USP14: variants seen among roughly 807,000 people sequenced by gnomAD.
The protein encoded by USP14 is ubiquitin carboxyl-terminal hydrolase 14.
USP14 carries 38 observed loss-of-function variants against 76.5 expected under a neutral mutation model. The observed-to-expected ratio is 0.50, with a 90% confidence interval of 0.38 to 0.65. USP14 has a LOEUF of 0.65. Among genes scored for constraint, USP14 ranks in the 30% least tolerant of loss-of-function variants. The pLI is 0.00. For synonymous variants in USP14, 192 were observed against 191.7 expected, an observed-to-expected ratio of 1.00 and a Z score of -0.01; for missense variants, 467 against 586.5, an observed-to-expected ratio of 0.80 and a Z score of 2.10.
intron 1 of USP14, among the ~76,000 whole-genome samples, chr18:159,572 A>G (rs1909059196): frequency 1.3e-5 from 2 of 152,170 alleles, no homozygotes; most frequent in South Asian, 4.1e-4. Context: ...CCTTTATTGA[A>G]GATTCAGCAT....
At chr18:173,888 T>C (rs1909548232) in intron 3 of USP14, among the ~76,000 whole-genome samples, 1 of 152,248 alleles carries the variant, frequency 6.6e-6, no homozygotes, top group South Asian at 2.1e-4. Flanking sequence ...TAAGGGTTTA[T>C]TTCTGGATTC....
intron 10 of USP14, among the ~76,000 whole-genome samples, chr18:201,675 T>TTAA (rs1196360926): frequency 1.3e-5 from 2 of 152,082 alleles, no homozygotes; most frequent in Admixed American, 6.5e-5. Flanking sequence ...GCAAATGAAG[T>TTAA]CTCAGTGTTA....
At chr18:182,737 A>T (rs2144238831) in intron 5 of USP14, among the ~76,000 whole-genome samples, 1 of 152,308 alleles carries the variant, frequency 6.6e-6, no homozygotes, top group South Asian at 2.1e-4. Context: ...GTATTTAAAC[A>T]GTTAGGTGTT....
At chr18:188,669 G>C (rs1345900205) in intron 5 of USP14, among the ~76,000 whole-genome samples, 1 of 151,378 alleles carries the variant, frequency 6.6e-6, no homozygotes, top group Non-Finnish European at 1.5e-5. Flanking sequence ...CTTTTTTGGG[G>C]TATTTTATTT....
At position 173,215 on chromosome 18, in the gene USP14, C is replaced by A. The variant is rs190064655; in HGVS notation, c.196-5718C>A. Among the ~76,000 whole-genome samples, 5 of 150,496 alleles carry A rather than the reference C, an allele frequency of 3.3e-5. No homozygotes were observed. The East Asian group carries it at 9.9e-4, about 30-fold the overall frequency. On this transcript the variant is annotated intron_variant, in intron 3 of 15. Coordinates refer to ENST00000261601, the MANE Select transcript of USP14 (RefSeq NM_005151.4). ...GCTCCACCTCCTGGTTCACGCCATT[C>A]TCCTGCCTCAGCCTCCCGAGTAGCT...
intron 3 of USP14, among the ~76,000 whole-genome samples, chr18:174,605 CTTTCT>C (rs1011455441): frequency 1.6e-5 from 2 of 127,306 alleles, no homozygotes; most frequent in African/African-American, 2.8e-5. Flanking sequence ...TGGTACTTTT[CTTTCT>C]TTTTTTTTTT....
rs190699314 is a variant in USP14 at position 204,290 on chromosome 18, A to C, written c.1036-274A>C. On this transcript the variant is annotated intron_variant, in intron 12 of 15. Transcript: ENST00000261601. ...TCTGAGATGTTTCTTTTCTCAGGTAAATTTTGGTACTTCCTCTGTGGTTAG... is the reference window on the plus strand; with the variant it reads ...TCTGAGATGTTTCTTTTCTCAGGTACATTTTGGTACTTCCTCTGTGGTTAG... 1.9e-4 allele frequency among the ~76,000 whole-genome samples: 29 copies of C among 152,010 alleles called. No homozygotes were observed. The East Asian group carries it at 4.4e-3, about 23-fold the overall frequency.
chr18:211,486 C>CCTG lies in USP14; in HGVS notation c.*202_*203insCTG. On this transcript the variant is annotated 3_prime_UTR_variant, in exon 16 of 16. Transcript: ENST00000261601. Reference sequence around the variant, plus strand: ...AAAATTATCTTTGGATTGTGCTGCCCTATATAAAGGTGGCAGAAAGACATT... The same window carrying CCTG: ...AAAATTATCTTTGGATTGTGCTGCCCCTGTATATAAAGGTGGCAGAAAGACATT... 1 of 432,754 alleles carries CCTG rather than the reference C, an allele frequency of 2.3e-6. No homozygotes were observed. The highest frequency in any genetic ancestry group is 4.0e-6 in the Non-Finnish European group (1 of 251,282). 26.8% of individuals were successfully genotyped at this position (432,754 alleles called of 1,614,324 possible). A position where few individuals can be genotyped will look rare whatever the true frequency, so the allele number is the denominator to read the frequency against.
At chr18:169,454 G>C (rs1188859942) in intron 3 of USP14, among the ~76,000 whole-genome samples, 2 of 150,374 alleles carry the variant, frequency 1.3e-5, no homozygotes, top group Non-Finnish European at 3.0e-5. Flanking sequence ...TTTGTTAAGT[G>C]TTTTTTCTGT....
intron 1 of USP14, among the ~76,000 whole-genome samples, chr18:162,038 C>G (rs898238324): frequency 2.0e-5 from 3 of 152,116 alleles, no homozygotes; most frequent in Non-Finnish European, 4.4e-5. Flanking sequence ...CTCATATAAC[C>G]AGAATCATCC....
At chr18:185,829 G>A (rs1909913390) in intron 5 of USP14, among the ~76,000 whole-genome samples, 1 of 151,358 alleles carries the variant, frequency 6.6e-6, no homozygotes. Flanking sequence ...GAGCAGCTGG[G>A]ACCTCAGGCA....
chr18:179,771 T>C (rs1414213925), intron 4 of USP14, among the ~76,000 whole-genome samples: 1 of 151,064 alleles, frequency 6.6e-6, no homozygotes, highest in African/African-American at 2.4e-5. Flanking sequence ...AAAAAATTTT[T>C]TTTTTTTTTT....
chr18:164,772 A>G (rs1909222846), intron 2 of USP14, among the ~76,000 whole-genome samples: 1 of 151,936 alleles, frequency 6.6e-6, no homozygotes. Context: ...TCTAAACAGT[A>G]ATTGTTACCT....
chr18:210,594 ACTT>A, intron 15 of USP14, 101 bp downstream of exon 15: 1 of 738,618 alleles, frequency 1.4e-6, no homozygotes, highest in Non-Finnish European at 2.1e-6. Flanking sequence ...TCTCAGAACC[ACTT>A]TACATTCTTG....
chr18:180,388 T>C, intron 5 of USP14, 49 bp downstream of exon 5: 1 of 1,137,322 alleles, frequency 8.8e-7, no homozygotes, highest in Non-Finnish European at 1.3e-6. Context: ...TTTGGATGAG[T>C]AGTATTGTTT....
At chr18:177,677 C>T (rs902845958) in intron 3 of USP14, among the ~76,000 whole-genome samples, 11 of 144,308 alleles carry the variant, frequency 7.6e-5, no homozygotes, top group African/African-American at 2.5e-4. Flanking sequence ...CTACCTTTTA[C>T]TTTGTCTCAT....
rs528968267 is a variant in USP14, at chr18:193,951, G to A, written c.463+1051G>A. 4.6e-5 allele frequency among the ~76,000 whole-genome samples: 7 copies of A among 152,276 alleles called. No homozygotes were observed. In the South Asian group the frequency reaches 1.5e-3, roughly 32 times the overall value. On this transcript the variant is annotated intron_variant, in intron 6 of 15. Coordinates refer to ENST00000261601, the MANE Select transcript of USP14 (RefSeq NM_005151.4). ...ATTTCTCTTTGGTATGCATCTAGGAGTGGAGTTAATTACTGGGTCATATGA... is the reference window on the plus strand; with the variant it reads ...ATTTCTCTTTGGTATGCATCTAGGAATGGAGTTAATTACTGGGTCATATGA...
rs556693230 is a variant in USP14 at position 214,507 on chromosome 18, G to A, written c.*3223G>A. ...TTCTATTGTTCTCAGAGCACCAGCCGACTGTACAACAATTGTTATAAAAAT... is the reference window on the plus strand; with the variant it reads ...TTCTATTGTTCTCAGAGCACCAGCCAACTGTACAACAATTGTTATAAAAAT... On this transcript the variant is annotated 3_prime_UTR_variant, in exon 16 of 16. Transcript: ENST00000261601. The A allele has an allele frequency of 7.2e-5, 58 of 809,164 alleles. 1 individual carries two copies. The South Asian group carries it at 7.9e-4, about 11-fold the overall frequency. The allele number at this position is 809,164 out of a possible 1,614,324, so 50.1% of individuals were successfully genotyped here.
At chr18:206,353 T>G (rs1202061390) in intron 13 of USP14, among the ~76,000 whole-genome samples, 1 of 152,228 alleles carries the variant, frequency 6.6e-6, no homozygotes, top group Non-Finnish European at 1.5e-5. Context: ...GTATATCCTC[T>G]TTTGTAAAAT....
Sources: allele counts gnomAD v4.1 joint callset (sites outside exome capture counted in the v4.1 genomes callset), GRCh38; gene constraint gnomAD v4.1.1; transcripts MANE v1.5; gene names NCBI Gene and HGNC (gene_info 2026-07-23, HGNC 2026-07-21).